The following GLI3 variants were observed in gnomAD, a reference collection of about 807,000 sequenced individuals.
GLI3 encodes the protein GLI family zinc finger 3.
In GLI3, 20 loss-of-function variants were observed where a neutral mutation model predicts 100.8. The ratio of observed to expected loss-of-function variants is 0.20; its 90% CI spans 0.14 to 0.29. GLI3 has a LOEUF of 0.29. GLI3 is among the 10% of genes least tolerant of loss of function. GLI3 has a pLI of 1.00. For missense variants in GLI3, 2,040 were observed against 2,128.5 expected, an observed-to-expected ratio of 0.96 and a Z score of 0.82; for synonymous variants, 938 against 860.5, an observed-to-expected ratio of 1.09 and a Z score of -1.58.
At chr7:42,229,522 G>A (rs145070662) in intron 1 of GLI3, among the ~76,000 whole-genome samples, 91 of 152,284 alleles carry the variant, frequency 6.0e-4, no homozygotes, top group African/African-American at 1.8e-3. Flanking sequence ...TTCATAAGCT[G>A]AATAATCTTG....
At chr7:42,201,181 G>T (rs1414343704) in intron 2 of GLI3, among the ~76,000 whole-genome samples, 1 of 151,896 alleles carries the variant, frequency 6.6e-6, no homozygotes, top group Admixed American at 6.6e-5. Flanking sequence ...ACAATATACT[G>T]TAATAAGTTA....
intron 3 of GLI3, among the ~76,000 whole-genome samples, chr7:42,081,925 G>C (rs969190618): frequency 1.3e-5 from 2 of 151,944 alleles, no homozygotes; most frequent in Non-Finnish European, 2.9e-5. Context: ...TACTGAAGTC[G>C]TCTGTACCCT....
intron 3 of GLI3, among the ~76,000 whole-genome samples, chr7:42,147,575 T>C (rs944290238): frequency 6.6e-6 from 1 of 152,236 alleles, no homozygotes; most frequent in Admixed American, 6.5e-5. Flanking sequence ...TTTTTCTTTA[T>C]ATTCTGCCGT....
intron 3 of GLI3, among the ~76,000 whole-genome samples, chr7:42,093,103 C>G (rs1052817779): frequency 6.6e-6 from 1 of 151,996 alleles, no homozygotes; most frequent in Non-Finnish European, 1.5e-5. Flanking sequence ...CATGAGCCAC[C>G]GCGCCTGGCC....
At chr7:42,004,766 C>G (rs962887544) in intron 10 of GLI3, among the ~76,000 whole-genome samples, 6 of 152,150 alleles carry the variant, frequency 3.9e-5, no homozygotes, top group Admixed American at 3.9e-4. Context: ...CATAAACCAC[C>G]GTGCTGGGCC....
At chr7:42,059,820 C>T (rs1784533026) in intron 4 of GLI3, among the ~76,000 whole-genome samples, 1 of 152,368 alleles carries the variant, frequency 6.6e-6, no homozygotes, top group Non-Finnish European at 1.5e-5. Context: ...CAAGTGGTTA[C>T]CTTTGATCAG....
chr7:42,106,678 A>G (rs1308021126), intron 3 of GLI3, among the ~76,000 whole-genome samples: 24 of 152,368 alleles, frequency 1.6e-4, no homozygotes, highest in Admixed American at 1.6e-3. Flanking sequence ...TGTTTCACAC[A>G]GCTAAAGTTA....
intron 10 of GLI3, among the ~76,000 whole-genome samples, chr7:42,007,673 C>T (rs1788495387): frequency 1.3e-5 from 2 of 152,078 alleles, no homozygotes; most frequent in South Asian, 4.1e-4. Context: ...TGGGAATTTT[C>T]ATATGTAATA....
At chr7:42,137,676 C>A (rs1460402899) in intron 3 of GLI3, among the ~76,000 whole-genome samples, 2 of 152,244 alleles carry the variant, frequency 1.3e-5, no homozygotes, top group East Asian at 3.9e-4. Flanking sequence ...GGTTGAGTAT[C>A]CCTAATCTGA....
intron 3 of GLI3, among the ~76,000 whole-genome samples, chr7:42,096,038 C>A (rs1464177410): frequency 2.0e-5 from 3 of 152,106 alleles, no homozygotes; most frequent in Non-Finnish European, 2.9e-5. Context: ...CAGTTTCAGG[C>A]AAGATGCACA....
intron 2 of GLI3, among the ~76,000 whole-genome samples, chr7:42,150,576 G>A (rs1235871999): frequency 1.3e-5 from 2 of 152,124 alleles, no homozygotes; most frequent in Non-Finnish European, 2.9e-5. Context: ...TGCAAATTCT[G>A]TAGAAAGGGA....
chr7:42,220,145 C>A (rs962322075), intron 2 of GLI3, among the ~76,000 whole-genome samples: 3 of 152,124 alleles, frequency 2.0e-5, no homozygotes, highest in African/African-American at 7.2e-5. Flanking sequence ...AGCCACCGGG[C>A]CTGGCCGAAA....
rs561745895 is a variant in GLI3, at chr7:42,182,694, A to G, written c.125-34226T>C. Among the ~76,000 whole-genome samples, 218 of 109,040 alleles carry G rather than the reference A, an allele frequency of 2.0e-3. 2 individuals are homozygous for G. The highest frequency in any genetic ancestry group is 2.7e-3 in the Non-Finnish European group (153 of 57,284). 71.5% of individuals were successfully genotyped at this position (109,040 alleles called of 152,430 possible). Reference sequence around the variant, plus strand: ...TATATATATATATACACATGTGTGTATATATATATACACACATATAAATAC... The same window carrying G: ...TATATATATATATACACATGTGTGTGTATATATATACACACATATAAATAC... On this transcript the variant is annotated intron_variant, in intron 2 of 14. Coordinates refer to ENST00000395925, the MANE Select transcript of GLI3 (RefSeq NM_000168.6).
At chr7:42,113,571 T>C (rs760340875) in intron 3 of GLI3, 8 of 1,097,762 alleles carry the variant, frequency 7.3e-6, no homozygotes, top group Non-Finnish European at 1.1e-5. Flanking sequence ...GAAAATGGAG[T>C]TGCCAAAAAA....
intron 3 of GLI3, among the ~76,000 whole-genome samples, chr7:42,078,893 C>T (rs958706741): frequency 5.9e-5 from 9 of 152,084 alleles, no homozygotes; most frequent in African/African-American, 2.2e-4. Flanking sequence ...CCACGCCTGG[C>T]TAATTTTTTG....
chr7:42,107,260 G>A (rs1404579967), intron 3 of GLI3, among the ~76,000 whole-genome samples: 1 of 151,840 alleles, frequency 6.6e-6, no homozygotes, highest in Admixed American at 6.6e-5. Flanking sequence ...GAGCCCGGGA[G>A]GTCGGGGCTG....
Position 41,964,604 on chromosome 7 carries a change from G to C in GLI3, c.4469C>G (p.Thr1490Arg). ...LSPGANQVTS[T>R]VDSLDSHDLE... ...GTCATGGCTGTCGAGGCTGTCCACT[G>C]TGCTTGTCACCTGATTAGCACCTGG... The change falls in exon 15 of 15, where the codon ACA becomes AGA. Residue 1490 changes from threonine (T) to arginine (R), a missense_variant. By Grantham distance (71) the Thr-to-Arg change is moderately conservative. Around this residue, in one of 5 missense-constraint regions of GLI3, gnomAD observed 1,041 missense variants for 924.0 expected, o/e 1.13. Coordinates refer to ENST00000395925, the MANE Select transcript of GLI3 (RefSeq NM_000168.6). 6.2e-7 allele frequency: 1 copy of C among 1,614,138 alleles called. No homozygotes were observed. The highest frequency in any genetic ancestry group is 8.5e-7 in the Non-Finnish European group (1 of 1,179,948).
intron 2 of GLI3, among the ~76,000 whole-genome samples, chr7:42,218,751 T>C (rs1259558995): frequency 1.3e-5 from 2 of 152,204 alleles, no homozygotes; most frequent in African/African-American, 4.8e-5. Context: ...TAATAATTTC[T>C]GCTTTCTATC....
chr7:42,023,084 C>T (rs1252794399), intron 10 of GLI3, among the ~76,000 whole-genome samples: 1 of 152,180 alleles, frequency 6.6e-6, no homozygotes, highest in Non-Finnish European at 1.5e-5. Context: ...AGAAATCCCT[C>T]ATCTCCACAT....
Sources: gnomAD v4.1 joint callset for allele counts (sites outside exome capture counted in the v4.1 genomes callset) on GRCh38, gnomAD v4.1.1 for gene constraint, gnomAD v4.1.1 regional missense constraint, MANE v1.5 for transcripts, NCBI Gene and HGNC (gene_info 2026-07-23, HGNC 2026-07-21) for gene names.